Variants in CDH13 observed in about 807,000 individuals in gnomAD.
CDH13 encodes the protein cadherin 13.
A neutral mutation model predicts 63.8 loss-of-function variants in CDH13; 24 were observed. That is an observed-to-expected ratio of 0.38 (90% CI 0.27 to 0.53). The LOEUF is 0.53. Among genes scored for constraint, CDH13 ranks in the 20% least tolerant of loss-of-function variants. The probability of loss-of-function intolerance (pLI) is 0.85; values close to 1 mark genes in which losing one functional copy is unlikely to be tolerated. For missense variants in CDH13, 1,049 were observed against 903.1 expected (o/e 1.16, Z -2.07); for synonymous variants, 503 against 355.3 (o/e 1.42, Z -4.67).
intron 8 of CDH13, among the ~76,000 whole-genome samples, chr16:83,654,105 G>C (rs1756982921): frequency 6.6e-6 from 1 of 152,082 alleles, no homozygotes; most frequent in South Asian, 2.1e-4. Flanking sequence ...AGGGGATGAT[G>C]GATGGAGGAT....
chr16:82,846,280 CCTT>C lies in CDH13; in HGVS notation c.46-12075_46-12073del, dbSNP rs1382645296. 5.9e-5 allele frequency among the ~76,000 whole-genome samples: 9 copies of C among 152,034 alleles called. No homozygotes were observed. In the East Asian group the frequency reaches 1.5e-3, roughly 26 times the overall value. On this transcript the variant is annotated intron_variant, in intron 1 of 13. Coordinates refer to ENST00000567109, the MANE Select transcript of CDH13 (RefSeq NM_001257.5). ...ATTTTCATCCAAAGAGCATGTTGTT[CCTT>C]CTTCTTTATTTCCACAATACTTTAT... is the stretch of plus-strand genomic sequence containing the variant.
intron 4 of CDH13, among the ~76,000 whole-genome samples, chr16:83,208,623 G>A (rs770646939): frequency 6.6e-6 from 1 of 152,130 alleles, no homozygotes; most frequent in Non-Finnish European, 1.5e-5. Context: ...ATATTATAAG[G>A]TGAAGGAAAA....
chr16:83,469,361 G>A (rs1207099617), intron 6 of CDH13, among the ~76,000 whole-genome samples: 1 of 152,162 alleles, frequency 6.6e-6, no homozygotes, highest in Non-Finnish European at 1.5e-5. Flanking sequence ...GTTATCCTGA[G>A]GAAGAAAATA....
intron 5 of CDH13, among the ~76,000 whole-genome samples, chr16:83,342,834 T>C (rs958647473): frequency 1.4e-5 from 2 of 142,148 alleles, no homozygotes; most frequent in Admixed American, 8.2e-5. Context: ...ACAGTGTTTT[T>C]TTGTTTCTGT....
chr16:83,459,351 T>C (rs753981661), intron 6 of CDH13, among the ~76,000 whole-genome samples: 57 of 152,212 alleles, frequency 3.7e-4, no homozygotes, highest in Admixed American at 4.6e-4. Context: ...GATTAAATTA[T>C]CGGACAGAAA....
At chr16:82,978,484 C>T (rs2151381547) in intron 2 of CDH13, among the ~76,000 whole-genome samples, 1 of 152,346 alleles carries the variant, frequency 6.6e-6, no homozygotes, top group Middle Eastern at 3.4e-3. Flanking sequence ...CCCAAGTCTC[C>T]CCTGCTTTGT....
At chr16:83,080,080 C>T (rs1004003298) in intron 3 of CDH13, among the ~76,000 whole-genome samples, 19 of 152,176 alleles carry the variant, frequency 1.2e-4, no homozygotes, top group African/African-American at 4.6e-4. Context: ...AGGATCCCGA[C>T]AGCAATCTTG....
At chr16:82,930,621 C>T (rs1468006691) in intron 2 of CDH13, among the ~76,000 whole-genome samples, 2 of 152,116 alleles carry the variant, frequency 1.3e-5, no homozygotes, top group African/African-American at 4.8e-5. Context: ...GCTCTCTTTG[C>T]AGTCGAGGTT....
intron 2 of CDH13, among the ~76,000 whole-genome samples, chr16:82,998,160 T>C (rs1432946696): frequency 6.6e-6 from 1 of 152,202 alleles, no homozygotes; most frequent in African/African-American, 2.4e-5. Flanking sequence ...CTGGAACTTT[T>C]TATATTTCGT....
At chr16:83,465,468 C>G (rs1207320107) in intron 6 of CDH13, among the ~76,000 whole-genome samples, 1 of 152,198 alleles carries the variant, frequency 6.6e-6, no homozygotes, top group African/African-American at 2.4e-5. Flanking sequence ...CAACCCTTTC[C>G]AGGAGAGTGG....
intron 2 of CDH13, among the ~76,000 whole-genome samples, chr16:82,908,310 A>C (rs2041715150): frequency 6.6e-6 from 1 of 152,166 alleles, no homozygotes; most frequent in Non-Finnish European, 1.5e-5. Flanking sequence ...GGAAAGTGCC[A>C]GATGCAAGAC....
chr16:83,792,663 A>G (rs939768947), intron 13 of CDH13, among the ~76,000 whole-genome samples: 1 of 152,228 alleles, frequency 6.6e-6, no homozygotes, highest in Non-Finnish European at 1.5e-5. Context: ...AAATGTCAGT[A>G]GTGCTGAGGC....
chr16:82,761,976 G>T (rs1423435076), intron 1 of CDH13, among the ~76,000 whole-genome samples: 1 of 152,196 alleles, frequency 6.6e-6, no homozygotes, highest in African/African-American at 2.4e-5. Flanking sequence ...AGGCACAAAA[G>T]CTAAAAGACA....
At chr16:83,670,993 C>G in intron 9 of CDH13, 21 bp downstream of exon 9, 1 of 1,561,250 alleles carries the variant, frequency 6.4e-7, no homozygotes, top group Non-Finnish European at 8.7e-7. Flanking sequence ...TTCCAATTGC[C>G]TCTTTCTCCT....
At chr16:83,727,727 C>T (rs1260163675) in intron 10 of CDH13, among the ~76,000 whole-genome samples, 1 of 152,044 alleles carries the variant, frequency 6.6e-6, no homozygotes, top group Non-Finnish European at 1.5e-5. Context: ...CCAGGAAAGG[C>T]CTGTGTGTTC....
At chr16:83,090,419 C>T (rs952706304) in intron 3 of CDH13, among the ~76,000 whole-genome samples, 1 of 151,944 alleles carries the variant, frequency 6.6e-6, no homozygotes, top group African/African-American at 2.4e-5. Flanking sequence ...ACTAAAAATA[C>T]AAAAATGAGT....
rs549594984 is a variant in CDH13, at chr16:83,547,216, A to G, written c.961-55238A>G. Among the ~76,000 whole-genome samples, 7 of 152,338 alleles carry G rather than the reference A, an allele frequency of 4.6e-5. No homozygotes were observed. In the East Asian group the frequency reaches 1.4e-3, roughly 29 times the overall value. ...TAAAAGCTAAGAAGGAAAGGCAAACAGGGCTTCAAGAGTACACAGCAGTGA... is the reference window on the plus strand; with the variant it reads ...TAAAAGCTAAGAAGGAAAGGCAAACGGGGCTTCAAGAGTACACAGCAGTGA... On this transcript the variant is annotated intron_variant, in intron 7 of 13. Transcript: ENST00000567109.
rs542514979 is a variant in CDH13 at position 83,216,212 on chromosome 16, A to C, written c.484-1133A>C. On this transcript the variant is annotated intron_variant, in intron 4 of 13. Coordinates refer to ENST00000567109, the MANE Select transcript of CDH13 (RefSeq NM_001257.5). ...CGACAATTTGTAGGAAAATTCCATA[A>C]AGTAAATTCAGAAACGACAGTGTTG... Among the ~76,000 whole-genome samples the C allele has an allele frequency of 3.3e-5, 5 of 151,308 alleles. No individual in the cohort carries two copies. In the East Asian group the frequency reaches 9.9e-4, roughly 30 times the overall value.
At chr16:82,784,358 C>T (rs1422412552) in intron 1 of CDH13, among the ~76,000 whole-genome samples, 1 of 152,182 alleles carries the variant, frequency 6.6e-6, no homozygotes, top group Non-Finnish European at 1.5e-5. Context: ...CAGACATTGT[C>T]CCCATCACTT....
Sources: gnomAD v4.1 joint callset for allele counts (sites outside exome capture counted in the v4.1 genomes callset) on GRCh38, gnomAD v4.1.1 for gene constraint, MANE v1.5 for transcripts, NCBI Gene and HGNC (gene_info 2026-07-23, HGNC 2026-07-21) for gene names.